Variants in TCF7L2 observed in about 807,000 individuals in gnomAD.
TCF7L2 encodes transcription factor 7 like 2.
In TCF7L2, 23 loss-of-function variants were observed where a neutral mutation model predicts 77.9. The ratio of observed to expected loss-of-function variants is 0.30; its 90% confidence interval spans 0.21 to 0.42. The LOEUF (loss-of-function observed/expected upper bound fraction) is 0.42, where lower values mean the gene tolerates loss of function less well. TCF7L2 is among the 10% of genes least tolerant of loss of function. The pLI, the probability that TCF7L2 is intolerant of heterozygous loss-of-function variation, is 1.00. For missense variants in TCF7L2, 654 were observed against 793.1 expected (o/e 0.82, Z 2.11); for synonymous variants, 413 against 340.2 (o/e 1.21, Z -2.36).
intron 5 of TCF7L2, among the ~76,000 whole-genome samples, chr10:113,102,174 T>A (rs992421916): frequency 1.4e-5 from 2 of 145,032 alleles, no homozygotes. Context: ...GTACTCAGTG[T>A]CTAGGACGTC....
chr10:113,027,048 A>G (rs2049313524), intron 4 of TCF7L2, among the ~76,000 whole-genome samples: 1 of 152,188 alleles, frequency 6.6e-6, no homozygotes, highest in African/African-American at 2.4e-5. Context: ...CAGAGAAGGG[A>G]GAGTGGTCAG....
intron 5 of TCF7L2, among the ~76,000 whole-genome samples, chr10:113,105,297 G>A (rs903448954): frequency 2.6e-5 from 4 of 152,144 alleles, no homozygotes; most frequent in Non-Finnish European, 5.9e-5. Flanking sequence ...GGCTTGAGTC[G>A]AAGTCGGCTC....
At chr10:113,100,814 G>C (rs934401942) in intron 5 of TCF7L2, among the ~76,000 whole-genome samples, 1 of 152,198 alleles carries the variant, frequency 6.6e-6, no homozygotes, top group African/African-American at 2.4e-5. Context: ...GGTGGCTCAC[G>C]CCTGTAATCC....
chr10:113,033,710 A>G (rs1043632516), intron 4 of TCF7L2, among the ~76,000 whole-genome samples: 4 of 152,244 alleles, frequency 2.6e-5, no homozygotes, highest in African/African-American at 9.6e-5. Context: ...TTATAGGCAA[A>G]TAAAGCCTCC....
rs1491308139 is a variant in TCF7L2 at position 113,097,646 on chromosome 10, G to GGA, written c.553-43538_553-43537insGA. ...GTGACAGAGTAAGACTCTTGTCTCG[G>GGA]AAAAAAAAAAAAAAAAAAAAAAAAA... On this transcript the variant is annotated intron_variant, in intron 5 of 13. Coordinates refer to ENST00000627217, the MANE Select transcript of TCF7L2 (RefSeq NM_001146274.2). 7.9e-3 allele frequency among the ~76,000 whole-genome samples: 290 copies of GGA among 36,764 alleles called. 14 individuals carry two copies. The highest frequency in any genetic ancestry group is 0.028 in the African/African-American group (262 of 9,286). The allele number at this position is 36,764 out of a possible 152,430, so 24.1% of individuals were successfully genotyped here.
chr10:113,142,167 G>T (rs938787748), intron 6 of TCF7L2, among the ~76,000 whole-genome samples: 2 of 152,132 alleles, frequency 1.3e-5, no homozygotes, highest in Non-Finnish European at 2.9e-5. Flanking sequence ...ACCATACCCG[G>T]CTAATTTTTG....
intron 4 of TCF7L2, among the ~76,000 whole-genome samples, chr10:113,003,496 A>G (rs1026365318): frequency 2.0e-5 from 3 of 151,940 alleles, no homozygotes; most frequent in African/African-American, 7.3e-5. Context: ...ACTGCCCTCT[A>G]TTTCCCTGTC....
chr10:112,954,044 G>A (rs1316174591), intron 3 of TCF7L2, among the ~76,000 whole-genome samples: 1 of 152,184 alleles, frequency 6.6e-6, no homozygotes, highest in Non-Finnish European at 1.5e-5. Flanking sequence ...AGGATGGTAG[G>A]CTGTTGTGTG....
chr10:113,150,866 T>C (rs2070611438), intron 8 of TCF7L2, 132 bp from the exon 9 acceptor site: 2 of 1,198,036 alleles, frequency 1.7e-6, no homozygotes, highest in Admixed American at 2.8e-5. Context: ...TGCTGACAGG[T>C]TTCATATGCC....
chr10:113,087,057 G>C (rs1029041801), intron 5 of TCF7L2, among the ~76,000 whole-genome samples: 1 of 152,146 alleles, frequency 6.6e-6, no homozygotes, highest in Admixed American at 6.6e-5. Flanking sequence ...TGGGGAATAA[G>C]GTTAGGGGTA....
intron 4 of TCF7L2, among the ~76,000 whole-genome samples, chr10:113,030,174 T>G (rs897185997): frequency 2.0e-5 from 3 of 152,228 alleles, no homozygotes; most frequent in Admixed American, 1.3e-4. Context: ...TCATACACCA[T>G]GAAACTTTCT....
intron 5 of TCF7L2, among the ~76,000 whole-genome samples, chr10:113,106,483 T>G (rs1485626677): frequency 6.6e-6 from 1 of 152,240 alleles, no homozygotes. Context: ...CTTTCTGGAT[T>G]AGTGTGTGAA....
chr10:113,032,099 C>T (rs747869794), intron 4 of TCF7L2, among the ~76,000 whole-genome samples: 2 of 152,192 alleles, frequency 1.3e-5, no homozygotes, highest in Non-Finnish European at 2.9e-5. Context: ...TCCCTTTCTA[C>T]CATACTTTTC....
intron 5 of TCF7L2, among the ~76,000 whole-genome samples, chr10:113,082,630 C>A (rs1005817988): frequency 1.3e-5 from 2 of 151,986 alleles, no homozygotes; most frequent in Non-Finnish European, 2.9e-5. Context: ...CACGTGCACA[C>A]GCACATGCAT....
intron 5 of TCF7L2, among the ~76,000 whole-genome samples, chr10:113,052,203 G>A (rs977293853): frequency 6.6e-6 from 1 of 152,146 alleles, no homozygotes; most frequent in Non-Finnish European, 1.5e-5. Flanking sequence ...ACTCTGAGCC[G>A]AGTGCAGGGT....
intron 5 of TCF7L2, among the ~76,000 whole-genome samples, chr10:113,065,190 T>G (rs2057085603): frequency 6.6e-6 from 1 of 152,324 alleles, no homozygotes; most frequent in Non-Finnish European, 1.5e-5. Context: ...GCAAGGTGTT[T>G]AGTGTGGCCT....
At chr10:112,970,828 C>T (rs768109563) in intron 4 of TCF7L2, among the ~76,000 whole-genome samples, 9 of 152,166 alleles carry the variant, frequency 5.9e-5, no homozygotes, top group Non-Finnish European at 1.2e-4. Flanking sequence ...GTGAAGAACT[C>T]CTGGAAACAG....
chr10:113,113,507 A>AG (rs1416396536), intron 5 of TCF7L2, among the ~76,000 whole-genome samples: 1 of 152,234 alleles, frequency 6.6e-6, no homozygotes, highest in African/African-American at 2.4e-5. Context: ...TTCTCTTGAA[A>AG]GGGGGGTTCT....
At chr10:112,977,664 T>C (rs913564003) in intron 4 of TCF7L2, among the ~76,000 whole-genome samples, 2 of 152,206 alleles carry the variant, frequency 1.3e-5, no homozygotes, top group Non-Finnish European at 2.9e-5. Context: ...AATCTCATAA[T>C]GTTAAGCAGA....
Sources: gnomAD v4.1 joint callset for allele counts (sites outside exome capture counted in the v4.1 genomes callset) on GRCh38, gnomAD v4.1.1 for gene constraint, MANE v1.5 for transcripts, NCBI Gene and HGNC (gene_info 2026-07-23, HGNC 2026-07-21) for gene names.